The following FAM186B variants were observed in gnomAD, a reference collection of about 807,000 sequenced individuals.
The protein encoded by FAM186B is family with sequence similarity 186 member B.
FAM186B carries 68 observed loss-of-function variants against 83.4 expected under a neutral mutation model. The ratio of observed to expected loss-of-function variants is 0.81; its 90% CI spans 0.67 to 1.00. FAM186B has a LOEUF of 1.00. Among genes scored for constraint, FAM186B ranks in the 50% least tolerant of loss-of-function variants. The pLI, the probability that FAM186B is intolerant of heterozygous loss-of-function variation, is 0.00. For missense variants in FAM186B, 983 were observed against 1,099.2 expected, an observed-to-expected ratio of 0.89 and a Z score of 1.49; for synonymous variants, 389 against 422.0, an observed-to-expected ratio of 0.92 and a Z score of 0.96.
intron 5 of FAM186B, among the ~76,000 whole-genome samples, chr12:49,595,845 C>T (rs1366910334): frequency 6.6e-6 from 1 of 152,096 alleles, no homozygotes; most frequent in Non-Finnish European, 1.5e-5. Context: ...ATTACCCGGG[C>T]GTGGCGGTGG....
At chr12:49,595,487 T>TTA in intron 5 of FAM186B, 1 of 471,428 alleles carries the variant, frequency 2.1e-6, no homozygotes, top group Non-Finnish European at 4.2e-6. Context: ...GGAAGTAAAG[T>TTA]TACAACACTC....
the FAM186B span, among the ~76,000 whole-genome samples, chr12:49,619,831 C>T: frequency 6.6e-6 from 1 of 151,702 alleles, no homozygotes; most frequent in East Asian, 1.9e-4. Flanking sequence ...ATCGCCACCA[C>T]GCCCAGCTAA....
chr12:49,621,721 A>G, the FAM186B span, among the ~76,000 whole-genome samples: 7 of 152,262 alleles, frequency 4.6e-5, no homozygotes, highest in Admixed American at 3.3e-4. Flanking sequence ...GGACAGACCC[A>G]AGGAGGAAGC....
the FAM186B span, among the ~76,000 whole-genome samples, chr12:49,610,743 T>C: frequency 6.6e-6 from 1 of 150,572 alleles, no homozygotes; most frequent in Non-Finnish European, 1.5e-5. Flanking sequence ...TGAGCCAAGA[T>C]TGCGCCACTG....
chr12:49,617,889 T>A, the FAM186B span, among the ~76,000 whole-genome samples: 75 of 152,260 alleles, frequency 4.9e-4, no homozygotes, highest in East Asian at 0.013. Flanking sequence ...GATTACTCAC[T>A]TACACTAGAG....
At chr12:49,599,124 C>T (rs939572294) in intron 4 of FAM186B, among the ~76,000 whole-genome samples, 177 bp from the exon 5 acceptor site, 7 of 151,880 alleles carry the variant, frequency 4.6e-5, no homozygotes, top group Admixed American at 3.9e-4. Context: ...AAGTGAGGAG[C>T]CTCAGGGCTG....
At chr12:49,606,528 A>ACACAC (rs1940027143), upstream of FAM186B, among the ~76,000 whole-genome samples, 2 of 128,030 alleles carry the variant, frequency 1.6e-5, no homozygotes, top group African/African-American at 3.0e-5. Flanking sequence ...CACACACACA[A>ACACAC]ACATACAGAG....
rs1939934932 is a variant in FAM186B at position 49,603,241 on chromosome 12, T to C, written c.449A>G (p.Glu150Gly). ...LSLIATKRGI[E>G]SLTALCSTLI... Reference sequence around the variant, plus strand: ...AGTGGAGCAAAGGGCAGTGAGTGACTCGATGCCTCTTTTGGTGGCAATGAG... The same window carrying C: ...AGTGGAGCAAAGGGCAGTGAGTGACCCGATGCCTCTTTTGGTGGCAATGAG... Residue 150 changes from glutamate to glycine, a missense_variant, in exon 3 of 7, where the codon GAG becomes GGG. Coordinates refer to ENST00000257894, the MANE Select transcript of FAM186B (RefSeq NM_032130.3). 6.2e-7 allele frequency: 1 copy of C among 1,614,204 alleles called. No homozygotes were observed. The highest frequency in any genetic ancestry group is 8.5e-7 in the Non-Finnish European group (1 of 1,180,036).
At chr12:49,590,566 G>T (rs1341287729) in intron 5 of FAM186B, among the ~76,000 whole-genome samples, 1 of 152,042 alleles carries the variant, frequency 6.6e-6, no homozygotes, top group African/African-American at 2.4e-5. Context: ...ATTTTGGATG[G>T]TTACTTTACT....
At chr12:49,583,449 C>T (rs1939377502), downstream of FAM186B, 2 of 192,714 alleles carry the variant, frequency 1.0e-5, no homozygotes, top group African/African-American at 4.7e-5. Flanking sequence ...GGTGAGGCCT[C>T]CAGAAAAGAA....
In FAM186B at chr12:49,601,104, T is replaced by G. The variant is rs748975016; in HGVS notation, c.536A>C (p.Gln179Pro). 3 of 1,572,448 alleles carry G rather than the reference T, an allele frequency of 1.9e-6. No individual in the cohort carries two copies. The highest frequency in any genetic ancestry group is 2.6e-6 in the Non-Finnish European group (3 of 1,157,754). The change falls in exon 4 of 7, where the codon CAG becomes CCG. Residue 179 changes from glutamine to proline, a missense_variant. By Grantham distance (76) the Gln-to-Pro change is moderately conservative. Coordinates refer to ENST00000257894, the MANE Select transcript of FAM186B (RefSeq NM_032130.3). ...VSKRTFWQGW[Q>P]GRSPQTSPSH... ...TGGAGATGTCTGTGGGCTTCTTCCC[T>G]GCCAGCCCTGCCAGAAGGTGCGTTT...
chr12:49,606,972 CT>C (rs1791551276), upstream of FAM186B, among the ~76,000 whole-genome samples: 3 of 152,250 alleles, frequency 2.0e-5, no homozygotes, highest in Non-Finnish European at 4.4e-5. Context: ...ATTGAGAGAT[CT>C]TTGGAAAATT....
chr12:49,601,259 G>C, intron 3 of FAM186B, 125 bp from the exon 4 acceptor site: 3 of 1,327,584 alleles, frequency 2.3e-6, no homozygotes, highest in South Asian at 1.6e-5. Context: ...TAGGGAGCTG[G>C]GGCTGTATAT....
chr12:49,588,426 G>C, intron 6 of FAM186B, 28 bp downstream of exon 6: 1 of 1,591,112 alleles, frequency 6.3e-7, no homozygotes, highest in Non-Finnish European at 8.6e-7. Context: ...CCATACAGCT[G>C]CTGCCCCCTC....
intron 3 of FAM186B, among the ~76,000 whole-genome samples, 195 bp from the exon 4 acceptor site, chr12:49,601,329 C>G (rs1246623548): frequency 2.0e-5 from 3 of 152,158 alleles, no homozygotes; most frequent in Non-Finnish European, 4.4e-5. Flanking sequence ...TGCCCAGAGC[C>G]CAGCCTCAGG....
the FAM186B span, among the ~76,000 whole-genome samples, chr12:49,613,315 C>G: frequency 1.3e-5 from 2 of 151,888 alleles, no homozygotes; most frequent in African/African-American, 4.8e-5. Flanking sequence ...ATCACGAGGT[C>G]AGGAGATCGA....
downstream of FAM186B, among the ~76,000 whole-genome samples, chr12:49,585,900 T>TAGC (rs368820951): frequency 2.9e-4 from 44 of 152,144 alleles, no homozygotes; most frequent in African/African-American, 1.1e-3. Context: ...CACCCTGAGG[T>TAGC]AGCAGCCTGG....
At chr12:49,616,687 C>T in the FAM186B span, among the ~76,000 whole-genome samples, 1 of 152,186 alleles carries the variant, frequency 6.6e-6, no homozygotes, top group South Asian at 2.1e-4. Flanking sequence ...TGATAGAAAC[C>T]AGATCAGTAG....
chr12:49,600,436 C>T lies in FAM186B; in HGVS notation c.1204G>A (p.Ala402Thr), dbSNP rs751118651. ...LSTMTVRSRV[A>T]DVFGSKDTES... ...GTGTCCTTGCTGCCGAACACATCTG[C>T]GACCCTCGAGCGCACAGTCATGGTG... The change falls in exon 4 of 7, where the codon GCA (alanine) becomes ACA (threonine). Residue 402 changes from alanine to threonine, a missense_variant. Coordinates refer to ENST00000257894, the MANE Select transcript of FAM186B (RefSeq NM_032130.3). This position sits in a 1 kb window ranked among gnomAD's most constrained non-coding sequence, Gnocchi z 4.3. The T allele has an allele frequency of 5.0e-5, 80 of 1,613,296 alleles. 1 individual carries two copies. In the Admixed American group the frequency reaches 5.2e-4, roughly 10 times the overall value.
Sources: allele counts gnomAD v4.1 joint callset (sites outside exome capture counted in the v4.1 genomes callset), GRCh38; gene constraint gnomAD v4.1.1; non-coding constraint Gnocchi (gnomAD v3.1); transcripts MANE v1.5; gene names NCBI Gene and HGNC (gene_info 2026-07-23, HGNC 2026-07-21).